The following ZFHX4 variants were observed in gnomAD, a reference collection of about 807,000 sequenced individuals.
ZFHX4 encodes zinc finger homeobox protein 4.
In ZFHX4, 56 loss-of-function variants were observed where a neutral mutation model predicts 267.6. The ratio of observed to expected loss-of-function variants is 0.21; its 90% CI spans 0.17 to 0.26. The LOEUF (loss-of-function observed/expected upper bound fraction) is 0.26, where lower values mean the gene tolerates loss of function less well. Among genes scored for constraint, ZFHX4 ranks in the 10% least tolerant of loss-of-function variants. The probability of loss-of-function intolerance (pLI) is 1.00; values close to 1 mark genes in which losing one functional copy is unlikely to be tolerated. For missense variants in ZFHX4, 4,332 were observed against 4,420.0 expected (o/e 0.98, Z 0.56); for synonymous variants, 1,778 against 1,665.6 (o/e 1.07, Z -1.64).
chr8:76,774,541 A>G (rs1054496925), intron 3 of ZFHX4, among the ~76,000 whole-genome samples: 5 of 152,094 alleles, frequency 3.3e-5, no homozygotes, highest in Non-Finnish European at 7.4e-5. Flanking sequence ...TTATTTTTCC[A>G]TGAAATGGAA....
In ZFHX4 at chr8:76,786,458, C is replaced by T. The variant is rs1441069163; in HGVS notation, c.3325+8019C>T. Among the ~76,000 whole-genome samples the T allele has an allele frequency of 3.3e-5, 5 of 151,178 alleles. No individual in the cohort carries two copies. In the South Asian group the frequency reaches 6.3e-4, roughly 19 times the overall value. ...AAGGAGATTATCTGAGTTTATAACA[C>T]ATAGTTCAATGGAAATTAGGTTTGA... is the stretch of plus-strand genomic sequence containing the variant. On this transcript the variant is annotated intron_variant, in intron 4 of 10. Coordinates refer to ENST00000651372, the MANE Select transcript of ZFHX4 (RefSeq NM_024721.5).
chr8:76,839,532 A>G (rs1166327278), intron 5 of ZFHX4, among the ~76,000 whole-genome samples: 1 of 152,188 alleles, frequency 6.6e-6, no homozygotes, highest in East Asian at 1.9e-4. Context: ...TATTTTCTGT[A>G]TTTCATGAGG....
At chr8:76,744,211 T>C (rs1026349703) in intron 3 of ZFHX4, among the ~76,000 whole-genome samples, 1 of 151,918 alleles carries the variant, frequency 6.6e-6, no homozygotes, top group Non-Finnish European at 1.5e-5. Context: ...TCGGGTGTGG[T>C]GGTGCGTGCT....
At chr8:76,732,175 G>A (rs1393742507) in intron 3 of ZFHX4, among the ~76,000 whole-genome samples, 1 of 151,790 alleles carries the variant, frequency 6.6e-6, no homozygotes, top group African/African-American at 2.4e-5. Flanking sequence ...AAAATATATG[G>A]TAATTTCTAA....
At chr8:76,745,630 T>G (rs1346295473) in intron 3 of ZFHX4, among the ~76,000 whole-genome samples, 1 of 152,124 alleles carries the variant, frequency 6.6e-6, no homozygotes, top group Non-Finnish European at 1.5e-5. Flanking sequence ...AGATGGTGAT[T>G]TCAGTGTGCA....
At chr8:76,708,584 T>G (rs1808342570) in intron 3 of ZFHX4, among the ~76,000 whole-genome samples, 1 of 152,212 alleles carries the variant, frequency 6.6e-6, no homozygotes, top group Admixed American at 6.5e-5. Context: ...TAAAAGTAAA[T>G]TCTGTTGTTA....
Position 76,854,761 on chromosome 8 carries a change from C to T in ZFHX4, c.7840C>T (p.Pro2614Ser), listed in dbSNP as rs1043045004. The T allele has an allele frequency of 8.7e-6, 14 of 1,611,340 alleles. No individual in the cohort carries two copies. The highest frequency in any genetic ancestry group is 9.3e-6 in the Non-Finnish European group (11 of 1,178,734). ...TAAACGCTTGAGAACCACGATCACC[C>T]CGGAACAGCTGGAAATACTCTATGA... ...RDKRLRTTIT[P>S]EQLEILYEKY... Residue 2614 changes from proline (P) to serine (S), a missense_variant, in exon 10 of 11, where the codon CCG becomes TCG. Coordinates refer to ENST00000651372, the MANE Select transcript of ZFHX4 (RefSeq NM_024721.5).
intron 4 of ZFHX4, among the ~76,000 whole-genome samples, chr8:76,779,594 G>A (rs1485437819): frequency 6.6e-6 from 1 of 152,064 alleles, no homozygotes; most frequent in Non-Finnish European, 1.5e-5. Flanking sequence ...CTGCAGCAGC[G>A]AAAAGTCATC....
At chr8:76,743,186 T>G (rs7818263) in intron 3 of ZFHX4, among the ~76,000 whole-genome samples, 42,583 of 152,074 alleles carry the variant, frequency 0.28, 8,186 homozygotes, top group African/African-American at 0.54. Context: ...GCCACAGATT[T>G]CAGGCCTTCA....
chr8:76,714,528 C>T (rs1229199970), intron 3 of ZFHX4, among the ~76,000 whole-genome samples: 2 of 152,164 alleles, frequency 1.3e-5, no homozygotes, highest in Non-Finnish European at 2.9e-5. Context: ...GAAGGACAGG[C>T]ATGGAGGCAC....
chr8:76,705,492 A>C lies in ZFHX4; in HGVS notation c.1404A>C (p.Glu468Asp). 6.2e-7 allele frequency: 1 copy of C among 1,613,802 alleles called. No individual in the cohort carries two copies. Among genetic ancestry groups the C allele is most frequent in the South Asian group, 1.1e-5 (1 of 91,048 alleles). Residue 468 changes from glutamate (E) to aspartate (D), a missense_variant, in exon 2 of 11, where the codon GAA (glutamate) becomes GAC (aspartate). Glu to Asp is a conservative substitution (Grantham distance 45, BLOSUM62 2). Transcript: ENST00000651372. ...GECPVKSEPTEPGDEDEEDAY... is the reference protein window; with the variant it reads ...GECPVKSEPTDPGDEDEEDAY... ...GCCCTGTCAAAAGTGAACCCACTGAACCGGGAGATGAGGATGAAGAAGATG... is the reference window on the plus strand; with the variant it reads ...GCCCTGTCAAAAGTGAACCCACTGACCCGGGAGATGAGGATGAAGAAGATG...
At chr8:76,714,807 G>T (rs898656631) in intron 3 of ZFHX4, among the ~76,000 whole-genome samples, 1 of 152,140 alleles carries the variant, frequency 6.6e-6, no homozygotes, top group Non-Finnish European at 1.5e-5. Context: ...GTTTTCTAAG[G>T]TGATACTTCC....
intron 4 of ZFHX4, among the ~76,000 whole-genome samples, chr8:76,829,716 G>A (rs1327184524): frequency 6.6e-6 from 1 of 152,102 alleles, no homozygotes; most frequent in African/African-American, 2.4e-5. Context: ...GGCTGGGGCA[G>A]GAGAATTGCT....
intron 3 of ZFHX4, among the ~76,000 whole-genome samples, chr8:76,731,256 G>A (rs1311691949): frequency 6.6e-6 from 1 of 152,150 alleles, no homozygotes; most frequent in Non-Finnish European, 1.5e-5. Flanking sequence ...TCTAGACAGT[G>A]CTCACAAAGA....
intron 1 of ZFHX4, among the ~76,000 whole-genome samples, chr8:76,692,990 T>C (rs1450454119): frequency 6.6e-6 from 1 of 152,174 alleles, no homozygotes; most frequent in Non-Finnish European, 1.5e-5. Flanking sequence ...TTAATATTAA[T>C]CAATATAAGG....
chr8:76,855,184 C>T lies in ZFHX4; in HGVS notation c.8263C>T (p.Pro2755Ser), dbSNP rs1354861867. 2.5e-6 allele frequency: 4 copies of T among 1,613,246 alleles called. No individual in the cohort carries two copies. Among genetic ancestry groups the T allele is most frequent in the Admixed American group, 3.3e-5 (2 of 59,904 alleles). ...TGAATTGGCTTCTACAGTGTCAACA[C>T]CTGTTAGTAAAACAGCAGAGCTGTC... ...ENELASTVSTPVSKTAELSPK... is the reference protein window; with the variant it reads ...ENELASTVSTSVSKTAELSPK... The change falls in exon 10 of 11, where the codon CCT becomes TCT. Residue 2755 changes from proline to serine, a missense_variant. By Grantham distance (74) the Pro-to-Ser change is moderately conservative. This residue lies in a region of ZFHX4 where 1,648 missense variants were observed against 1,625.0 expected (regional missense o/e 1.01). Transcript: ENST00000651372.
At chr8:76,823,678 A>G (rs143144880) in intron 4 of ZFHX4, among the ~76,000 whole-genome samples, 310 of 152,340 alleles carry the variant, frequency 2.0e-3, no homozygotes, top group African/African-American at 7.1e-3. Flanking sequence ...CAAGCCAAGC[A>G]TTATTTACAT....
intron 3 of ZFHX4, among the ~76,000 whole-genome samples, chr8:76,730,842 T>C (rs1230928645): frequency 6.6e-6 from 1 of 152,212 alleles, no homozygotes; most frequent in African/African-American, 2.4e-5. Context: ...TCCTCCGTTT[T>C]GTATCACTAC....
chr8:76,839,010 C>G (rs1192626353), intron 5 of ZFHX4, among the ~76,000 whole-genome samples: 1 of 144,800 alleles, frequency 6.9e-6, no homozygotes, highest in Non-Finnish European at 1.5e-5. Context: ...GCCGAGAGTG[C>G]CACTGCATTC....
Sources: gnomAD v4.1 joint callset for allele counts (sites outside exome capture counted in the v4.1 genomes callset) on GRCh38, gnomAD v4.1.1 for gene constraint, gnomAD v4.1.1 regional missense constraint, MANE v1.5 for transcripts, NCBI Gene and HGNC (gene_info 2026-07-23, HGNC 2026-07-21) for gene names.